SPECC1: variants seen among roughly 807,000 people sequenced by gnomAD.
SPECC1 encodes sperm antigen with calponin homology and coiled-coil domains 1.
Under a neutral mutation model 104.1 loss-of-function variants are expected in SPECC1, and 62 were observed. The observed-to-expected ratio is 0.60, with a 90% CI of 0.49 to 0.74. SPECC1 has a LOEUF of 0.74. Among genes scored for constraint, SPECC1 ranks in the 30% least tolerant of loss-of-function variants. The pLI, the probability that SPECC1 is intolerant of heterozygous loss-of-function variation, is 0.00. For missense variants in SPECC1, 1,306 were observed against 1,310.5 expected, an observed-to-expected ratio of 1.00 and a Z score of 0.05; for synonymous variants, 513 against 501.6, an observed-to-expected ratio of 1.02 and a Z score of -0.30.
intron 1 of SPECC1, among the ~76,000 whole-genome samples, chr17:20,057,985 C>T (rs1460454926): frequency 6.6e-6 from 1 of 151,988 alleles, no homozygotes; most frequent in Non-Finnish European, 1.5e-5. Context: ...AAGTCAAACT[C>T]GTGGAGATTT....
intron 13 of SPECC1, among the ~76,000 whole-genome samples, chr17:20,304,930 A>C (rs2041714096): frequency 6.6e-6 from 1 of 152,048 alleles, no homozygotes; most frequent in South Asian, 2.1e-4. Context: ...GATGAGAAGG[A>C]GGCACAAAGC....
At chr17:20,184,379 A>G (rs894759809) in intron 3 of SPECC1, among the ~76,000 whole-genome samples, 3 of 152,182 alleles carry the variant, frequency 2.0e-5, no homozygotes, top group Non-Finnish European at 2.9e-5. Context: ...GTGTCAACAC[A>G]GAGAGAATGT....
chr17:20,300,595 G>A (rs953407903), intron 13 of SPECC1, among the ~76,000 whole-genome samples: 3 of 152,228 alleles, frequency 2.0e-5, no homozygotes, highest in Admixed American at 6.5e-5. Context: ...GGACCTAAAA[G>A]TGTTTGTTCT....
At chr17:20,148,823 G>A (rs961351752) in intron 3 of SPECC1, among the ~76,000 whole-genome samples, 3 of 151,986 alleles carry the variant, frequency 2.0e-5, no homozygotes, top group African/African-American at 7.3e-5. Flanking sequence ...AGGTTCAAGC[G>A]ATTCTCCTGC....
At chr17:20,125,000 A>G (rs1236241872) in intron 3 of SPECC1, among the ~76,000 whole-genome samples, 1 of 152,018 alleles carries the variant, frequency 6.6e-6, no homozygotes, top group Admixed American at 6.6e-5. Context: ...CTAACACGGT[A>G]AAACCCCGTC....
At chr17:20,085,290 G>A (rs1337769569) in intron 1 of SPECC1, among the ~76,000 whole-genome samples, 4 of 152,144 alleles carry the variant, frequency 2.6e-5, no homozygotes, top group South Asian at 2.1e-4. Context: ...TTTGAGGGTC[G>A]GGGGTAACTG....
intron 3 of SPECC1, among the ~76,000 whole-genome samples, chr17:20,186,184 A>G (rs2035261806): frequency 6.6e-6 from 1 of 152,224 alleles, no homozygotes; most frequent in Non-Finnish European, 1.5e-5. Flanking sequence ...CTACAGACAC[A>G]TCTTGGTGAT....
intron 3 of SPECC1, among the ~76,000 whole-genome samples, chr17:20,156,750 T>C (rs912866258): frequency 1.3e-5 from 2 of 152,206 alleles, no homozygotes; most frequent in Non-Finnish European, 2.9e-5. Flanking sequence ...TTATCCCGTT[T>C]TTACTTCCTC....
chr17:20,105,093 T>C (rs1162647133), intron 2 of SPECC1, among the ~76,000 whole-genome samples: 1 of 151,348 alleles, frequency 6.6e-6, no homozygotes, highest in Non-Finnish European at 1.5e-5. Context: ...TGCTTTCTCT[T>C]TTTTTTTTCG....
chr17:20,016,365 C>T (rs769593215), intron 1 of SPECC1, among the ~76,000 whole-genome samples: 8 of 152,348 alleles, frequency 5.3e-5, no homozygotes, highest in East Asian at 1.9e-4. Flanking sequence ...ACTCTGGCCG[C>T]GCTTGAGGAG....
chr17:20,091,112 T>C (rs2047383873), intron 1 of SPECC1, among the ~76,000 whole-genome samples: 1 of 152,222 alleles, frequency 6.6e-6, no homozygotes, highest in South Asian at 2.1e-4. Context: ...TGACTTCTGC[T>C]GATGGGATCA....
chr17:20,056,498 C>A, intron 1 of SPECC1: 1 of 213,304 alleles, frequency 4.7e-6, no homozygotes, highest in South Asian at 8.9e-5. Flanking sequence ...AGGGCTTTTT[C>A]GATTGTGCTT....
chr17:20,239,053 T>C, intron 7 of SPECC1: 4 of 1,032,884 alleles, frequency 3.9e-6, no homozygotes, highest in Non-Finnish European at 4.7e-6. Context: ...AAATAGGAGG[T>C]TGACATGGAA....
At chr17:20,076,948 C>T (rs1215128241) in intron 1 of SPECC1, among the ~76,000 whole-genome samples, 2 of 152,174 alleles carry the variant, frequency 1.3e-5, no homozygotes, top group Non-Finnish European at 2.9e-5. Context: ...CTAGGCTGAA[C>T]ATTTTTTACA....
chr17:20,053,525 T>TTAGGAG (rs1167779067), intron 1 of SPECC1, among the ~76,000 whole-genome samples: 1 of 152,108 alleles, frequency 6.6e-6, no homozygotes, highest in Admixed American at 6.5e-5. Flanking sequence ...GTCCATAGTG[T>TTAGGAG]TAGGAGTAGG....
chr17:20,205,567 A>G lies in SPECC1; in HGVS notation c.1518A>G (p.Leu506=), dbSNP rs370389125. 278 of 1,613,992 alleles carry G rather than the reference A, an allele frequency of 1.7e-4. No individual in the cohort carries two copies. The highest frequency in any genetic ancestry group is 4.5e-4 in the South Asian group (41 of 91,070). The part of the protein sequence containing the change: ...RKVEEENQGA[L]EMIKRLKEEN... ...TTGAGGAAGAAAACCAAGGAGCTTT[A>G]GAAATGATTAAACGTCTGAAGGAAG... The change falls in exon 4 of 15, where the codon TTA becomes TTG. Residue 506 remains leucine, a synonymous_variant. Transcript: ENST00000395527.
At chr17:20,086,118 C>T (rs1300815271) in intron 1 of SPECC1, among the ~76,000 whole-genome samples, 1 of 152,180 alleles carries the variant, frequency 6.6e-6, no homozygotes, top group Admixed American at 6.5e-5. Context: ...GCCTCTGCTG[C>T]CTGCAGTCCC....
At chr17:20,042,663 C>T (rs1450871513) in intron 1 of SPECC1, among the ~76,000 whole-genome samples, 2 of 152,214 alleles carry the variant, frequency 1.3e-5, no homozygotes, top group Non-Finnish European at 2.9e-5. Context: ...CAGTTACTGT[C>T]TAAATGTGTT....
intron 13 of SPECC1, among the ~76,000 whole-genome samples, chr17:20,300,436 C>T (rs1264631320): frequency 2.0e-5 from 3 of 152,256 alleles, no homozygotes; most frequent in African/African-American, 7.2e-5. Flanking sequence ...TGAAAATAGT[C>T]AGAAGGCCTT....
Sources: allele counts gnomAD v4.1 joint callset (sites outside exome capture counted in the v4.1 genomes callset), GRCh38; gene constraint gnomAD v4.1.1; transcripts MANE v1.5; gene names NCBI Gene and HGNC (gene_info 2026-07-23, HGNC 2026-07-21).